The following PRTFDC1 variants were observed in gnomAD, a reference collection of about 807,000 sequenced individuals.
The protein encoded by PRTFDC1 is phosphoribosyltransferase domain-containing protein 1.
A neutral mutation model predicts 34.6 loss-of-function variants in PRTFDC1; 38 were observed. The ratio of observed to expected loss-of-function variants is 1.10; its 90% CI spans 0.85 to 1.44. PRTFDC1 has a LOEUF of 1.44. Ranked by LOEUF, PRTFDC1 falls within the 40% of genes most tolerant of loss-of-function variation. The pLI is 0.00. For missense variants in PRTFDC1, 270 were observed against 283.0 expected (o/e 0.95, Z 0.33); for synonymous variants, 93 against 98.1 (o/e 0.95, Z 0.31).
chr10:24,882,249 G>T (rs1384608563), intron 3 of PRTFDC1, among the ~76,000 whole-genome samples: 1 of 150,276 alleles, frequency 6.7e-6, no homozygotes, highest in Non-Finnish European at 1.5e-5. Flanking sequence ...AAAGACTCAG[G>T]CATCATCTCT....
chr10:24,882,710 T>G (rs2132527855), intron 3 of PRTFDC1, among the ~76,000 whole-genome samples: 1 of 152,066 alleles, frequency 6.6e-6, no homozygotes, highest in African/African-American at 2.4e-5. Context: ...CTCATTATGT[T>G]TTCCAGGCTG....
intron 3 of PRTFDC1, among the ~76,000 whole-genome samples, chr10:24,930,726 G>T (rs1254444065): frequency 6.6e-6 from 1 of 151,944 alleles, no homozygotes; most frequent in Non-Finnish European, 1.5e-5. Flanking sequence ...TCAGGTGTCT[G>T]TTTCATTATG....
At chr10:24,909,788 G>T (rs890797984) in intron 3 of PRTFDC1, among the ~76,000 whole-genome samples, 50 of 152,084 alleles carry the variant, frequency 3.3e-4, no homozygotes, top group African/African-American at 1.2e-3. Flanking sequence ...TTAGGTGGGG[G>T]TCTAATCTAG....
intron 3 of PRTFDC1, among the ~76,000 whole-genome samples, chr10:24,926,859 T>C (rs980232000): frequency 2.6e-5 from 4 of 152,352 alleles, no homozygotes; most frequent in South Asian, 4.1e-4. Flanking sequence ...TACTATAATT[T>C]AATAATTCCT....
At chr10:24,851,892 C>T (rs544124524) in intron 7 of PRTFDC1, among the ~76,000 whole-genome samples, 6 of 151,746 alleles carry the variant, frequency 4.0e-5, no homozygotes, top group African/African-American at 9.7e-5. Context: ...AACAGGTGCG[C>T]GGGCCACAGC....
intron 3 of PRTFDC1, among the ~76,000 whole-genome samples, chr10:24,927,927 T>G (rs1848906405): frequency 6.6e-6 from 1 of 152,166 alleles, no homozygotes. Context: ...GACAATGTTT[T>G]CTGTTATATT....
intron 3 of PRTFDC1, among the ~76,000 whole-genome samples, chr10:24,907,671 A>G (rs1166053487): frequency 1.3e-5 from 2 of 152,210 alleles, no homozygotes; most frequent in African/African-American, 4.8e-5. Context: ...ATCTGTGGAA[A>G]TAGCAACATA....
At chr10:24,887,469 C>T (rs1407586854) in intron 3 of PRTFDC1, among the ~76,000 whole-genome samples, 1 of 151,096 alleles carries the variant, frequency 6.6e-6, no homozygotes, top group Non-Finnish European at 1.5e-5. Flanking sequence ...GGGCTTCCCC[C>T]CTCTCCCTTC....
chr10:24,920,722 A>C (rs556031497), intron 3 of PRTFDC1, among the ~76,000 whole-genome samples: 2 of 152,196 alleles, frequency 1.3e-5, no homozygotes, highest in Non-Finnish European at 2.9e-5. Context: ...AAAGGAAATA[A>C]GTCATTCTAG....
chr10:24,871,000 A>T (rs1847859097), intron 4 of PRTFDC1, among the ~76,000 whole-genome samples: 1 of 139,754 alleles, frequency 7.2e-6, no homozygotes, highest in Non-Finnish European at 1.5e-5. Flanking sequence ...TGAAACCAGG[A>T]GGTGGAGGTT....
intron 4 of PRTFDC1, among the ~76,000 whole-genome samples, chr10:24,869,886 C>T (rs931442095): frequency 2.0e-5 from 3 of 152,166 alleles, no homozygotes; most frequent in Admixed American, 1.3e-4. Flanking sequence ...CTCTCTTACC[C>T]CAAACTAATC....
At chr10:24,934,478 C>T (rs143475108) in intron 3 of PRTFDC1, among the ~76,000 whole-genome samples, 4 of 152,278 alleles carry the variant, frequency 2.6e-5, no homozygotes, top group Non-Finnish European at 4.4e-5. Context: ...ATAGAATAGA[C>T]CCCTTAGGTC....
intron 3 of PRTFDC1, among the ~76,000 whole-genome samples, chr10:24,901,731 A>G (rs577700365): frequency 1.3e-5 from 2 of 152,336 alleles, no homozygotes; most frequent in South Asian, 4.1e-4. Flanking sequence ...CCAGTCTCAA[A>G]TAAGTAAGTA....
chr10:24,890,054 C>A (rs1290696049), intron 3 of PRTFDC1, among the ~76,000 whole-genome samples: 1 of 152,114 alleles, frequency 6.6e-6, no homozygotes, highest in Non-Finnish European at 1.5e-5. Flanking sequence ...ATAAATGTAT[C>A]CTCTAATAAA....
intron 3 of PRTFDC1, among the ~76,000 whole-genome samples, chr10:24,888,249 A>G (rs2132535451): frequency 6.6e-6 from 1 of 152,356 alleles, no homozygotes; most frequent in Middle Eastern, 3.4e-3. Context: ...AGTACTGAAC[A>G]GGGCCTTGGA....
intron 3 of PRTFDC1, among the ~76,000 whole-genome samples, chr10:24,930,281 A>C (rs2132597365): frequency 6.6e-6 from 1 of 152,292 alleles, no homozygotes; most frequent in East Asian, 1.9e-4. Context: ...GTGAAAGTTC[A>C]TGTCTTGTGG....
intron 2 of PRTFDC1, among the ~76,000 whole-genome samples, chr10:24,939,435 T>C (rs955534868): frequency 2.6e-5 from 4 of 151,984 alleles, no homozygotes; most frequent in African/African-American, 9.7e-5. Flanking sequence ...TAAATATGAA[T>C]GGTCTAAATA....
chr10:24,887,116 G>A (rs557280059), intron 3 of PRTFDC1, among the ~76,000 whole-genome samples: 4 of 150,864 alleles, frequency 2.7e-5, no homozygotes, highest in South Asian at 2.1e-4. Context: ...GACTACAGGC[G>A]CCCGCCACCG....
chr10:24,949,520 G>T (rs1391106799), intron 1 of PRTFDC1, among the ~76,000 whole-genome samples: 1 of 152,094 alleles, frequency 6.6e-6, no homozygotes. Flanking sequence ...CCTTCTACCA[G>T]CAGCTTCGAT....
Sources: allele counts gnomAD v4.1 joint callset (sites outside exome capture counted in the v4.1 genomes callset), GRCh38; gene constraint gnomAD v4.1.1; transcripts MANE v1.5; gene names NCBI Gene and HGNC (gene_info 2026-07-23, HGNC 2026-07-21).